The following VAT1L variants were observed in gnomAD, a reference collection of about 807,000 sequenced individuals.
VAT1L encodes putative NADPH-dependent quinone oxidoreductase VAT1L.
VAT1L carries 34 observed loss-of-function variants against 44.1 expected under a neutral mutation model. The observed-to-expected ratio is 0.77, with a 90% CI of 0.59 to 1.03. The LOEUF (loss-of-function observed/expected upper bound fraction) is 1.03, where lower values mean the gene tolerates loss of function less well. Among genes scored for constraint, VAT1L ranks in the 50% least tolerant of loss-of-function variants. The pLI is 0.00. For missense variants in VAT1L, 615 were observed against 538.8 expected (o/e 1.14, Z -1.40); for synonymous variants, 253 against 202.2 (o/e 1.25, Z -2.13).
rs761876008 is a variant in VAT1L at position 77,816,920 on chromosome 16, G to C, written c.234-1G>C. 2 of 1,611,960 alleles carry C rather than the reference G, an allele frequency of 1.2e-6. No homozygotes were observed. Among genetic ancestry groups the C allele is most frequent in the Non-Finnish European group, 1.7e-6 (2 of 1,179,144 alleles). The stretch of plus-strand genomic sequence containing the variant: ...TCTCCTTTCACATTTGCTCTTTACA[G>C]TGGATTAAACTTCATTGACTTGATG... On this transcript the variant is annotated splice_acceptor_variant, in intron 1 of 8. Transcript: ENST00000302536. LOFTEE classifies it high-confidence loss of function.
At chr16:77,945,990 C>T (rs1022508143) in intron 7 of VAT1L, among the ~76,000 whole-genome samples, 2 of 151,944 alleles carry the variant, frequency 1.3e-5, no homozygotes, top group Non-Finnish European at 2.9e-5. Flanking sequence ...GTAGCAGAGA[C>T]AGGGTTTCAC....
At chr16:77,823,325 T>C (rs1450681987) in intron 2 of VAT1L, among the ~76,000 whole-genome samples, 1 of 152,126 alleles carries the variant, frequency 6.6e-6, no homozygotes, top group Non-Finnish European at 1.5e-5. Flanking sequence ...TCTGAAATAT[T>C]ATCCCTTCCA....
intron 1 of VAT1L, chr16:77,800,398 T>C (rs970289024): frequency 1.3e-5 from 2 of 152,094 alleles, no homozygotes; most frequent in Non-Finnish European, 2.9e-5. Flanking sequence ...CAGGTATACC[T>C]GGGGACTCTA....
intron 8 of VAT1L, 77 bp from the exon 9 acceptor site, chr16:77,977,520 A>G (rs1247913447): frequency 3.4e-6 from 5 of 1,455,650 alleles, no homozygotes; most frequent in African/African-American, 1.4e-5. Context: ...AAGTCCTCCC[A>G]TAGGACTCTG....
chr16:77,903,827 C>T (rs1236204447), intron 7 of VAT1L, among the ~76,000 whole-genome samples: 1 of 150,534 alleles, frequency 6.6e-6, no homozygotes, highest in Non-Finnish European at 1.5e-5. Context: ...AGCTCCGCCT[C>T]CTGGGTTCAT....
intron 6 of VAT1L, among the ~76,000 whole-genome samples, chr16:77,883,136 G>T (rs926806482): frequency 6.6e-6 from 1 of 151,724 alleles, no homozygotes; most frequent in African/African-American, 2.4e-5. Flanking sequence ...AATTCTTTTC[G>T]AAAACAGGAT....
Position 77,816,297 on chromosome 16 carries a change from C to T in VAT1L, c.234-624C>T, listed in dbSNP as rs998748537. Among the ~76,000 whole-genome samples, 7 of 152,210 alleles carry T rather than the reference C, an allele frequency of 4.6e-5. No homozygotes were observed. In the East Asian group the frequency reaches 1.4e-3, roughly 29 times the overall value. On this transcript the variant is annotated intron_variant, in intron 1 of 8. Coordinates refer to ENST00000302536, the MANE Select transcript of VAT1L (RefSeq NM_020927.3). ...TCCAGTATTCCCATATCTATTGGGG[C>T]ATTCATTTGATCTCTCTTTGAGTCC...
chr16:77,936,056 G>A (rs1049197772), intron 7 of VAT1L, among the ~76,000 whole-genome samples: 6 of 152,090 alleles, frequency 3.9e-5, no homozygotes, highest in Non-Finnish European at 8.8e-5. Flanking sequence ...AGAAAAAAAA[G>A]GAGGTGGGAA....
chr16:77,876,713 G>A (rs1207698885), intron 5 of VAT1L, among the ~76,000 whole-genome samples: 3 of 152,218 alleles, frequency 2.0e-5, no homozygotes, highest in Non-Finnish European at 2.9e-5. Context: ...CCAAGCCAAT[G>A]TGGTCATTGA....
Position 77,788,658 on chromosome 16 carries a change from C to T in VAT1L, c.-25C>T, listed in dbSNP as rs1260637222. On this transcript the variant is annotated 5_prime_UTR_variant, in exon 1 of 9. Coordinates refer to ENST00000302536, the MANE Select transcript of VAT1L (RefSeq NM_020927.3). ...CGCAGCCACCGCAGCCACCGCAGCC[C>T]GTGCGCCCCGCGCCCTCGAGCGCCA... 3.2e-6 allele frequency: 5 copies of T among 1,545,808 alleles called. No homozygotes were observed. The African/African-American group carries it at 4.2e-5, about 13-fold the overall frequency.
intron 7 of VAT1L, among the ~76,000 whole-genome samples, chr16:77,919,546 G>C (rs147144538): frequency 3.9e-5 from 6 of 152,170 alleles, no homozygotes; most frequent in South Asian, 2.1e-4. Context: ...GTTACTGAGC[G>C]AGTCTGAACT....
rs570826952 is a variant in VAT1L, at chr16:77,945,180, G to C, written c.1078-26670G>C. Among the ~76,000 whole-genome samples, 6 of 150,580 alleles carry C rather than the reference G, an allele frequency of 4.0e-5. No homozygotes were observed. The South Asian group carries it at 1.3e-3, about 32-fold the overall frequency. ...CTGTGGGGGCACAAACCCAAGAACT[G>C]TTCTAGCACATAGAAGAGCACAAAA... is the stretch of plus-strand genomic sequence containing the variant. On this transcript the variant is annotated intron_variant, in intron 7 of 8. Transcript: ENST00000302536.
In VAT1L at chr16:77,979,446, A is replaced by G. The variant is rs1315396638; in HGVS notation, c.*1751A>G. 1 of 152,134 alleles carries G rather than the reference A, an allele frequency of 6.6e-6. No individual in the cohort carries two copies. The highest frequency in any genetic ancestry group is 6.6e-5 in the Admixed American group (1 of 15,266). The allele number at this position is 152,134 out of a possible 1,614,324, so 9.4% of individuals were successfully genotyped here. A position where few individuals can be genotyped will look rare whatever the true frequency, so the allele number is the denominator to read the frequency against. On this transcript the variant is annotated 3_prime_UTR_variant, in exon 9 of 9. Transcript: ENST00000302536. ...TATTACCTTTGCTAAGTGCTATATTATTGGCTGTTTCTCCCGTAACCATGC... is the reference window on the plus strand; with the variant it reads ...TATTACCTTTGCTAAGTGCTATATTGTTGGCTGTTTCTCCCGTAACCATGC...
chr16:77,828,590 G>A (rs2016548295), intron 3 of VAT1L, among the ~76,000 whole-genome samples: 1 of 152,190 alleles, frequency 6.6e-6, no homozygotes, highest in Non-Finnish European at 1.5e-5. Context: ...TTGAAGCCGG[G>A]AGGCAGAGGT....
rs1405257940 is a variant in VAT1L at position 77,957,848 on chromosome 16, G to A, written c.1078-14002G>A. On this transcript the variant is annotated intron_variant, in intron 7 of 8. Coordinates refer to ENST00000302536, the MANE Select transcript of VAT1L (RefSeq NM_020927.3). ...CTCGTGTGGAATTGCAGGAGTGGTG[G>A]GAGCTCAGGTTGTTACTTTAACCCC... Among the ~76,000 whole-genome samples, 3 of 151,338 alleles carry A rather than the reference G, an allele frequency of 2.0e-5. No homozygotes were observed. The East Asian group carries it at 5.8e-4, about 29-fold the overall frequency.
chr16:77,879,322 C>T lies in VAT1L; in HGVS notation c.882+98C>T, dbSNP rs9930395. 0.26 allele frequency: 348,336 copies of T among 1,326,596 alleles called. 48,426 individuals carry two copies. Among genetic ancestry groups the T allele is most frequent in the East Asian group, 0.42 (17,985 of 43,114 alleles). 82.2% of individuals were successfully genotyped at this position (1,326,596 alleles called of 1,614,324 possible). ...GTTTGTTTGTTTTGAGACAGCGTCT[C>T]GTTCTGTCACCAGGCTGGAGTGCAA... On this transcript the variant is annotated intron_variant, in intron 6 of 8. Coordinates refer to ENST00000302536, the MANE Select transcript of VAT1L (RefSeq NM_020927.3). The surrounding 1 kb of genome is among the most constrained non-coding windows in gnomAD (Gnocchi z 4.1).
intron 7 of VAT1L, among the ~76,000 whole-genome samples, chr16:77,890,922 GAA>G (rs57157062): frequency 0.02 from 2,560 of 129,110 alleles, 26 homozygotes; most frequent in Middle Eastern, 0.046. Flanking sequence ...AGACCCTGTC[GAA>G]AAAAAAAAAA....
chr16:77,944,429 A>G (rs414458), intron 7 of VAT1L, among the ~76,000 whole-genome samples: 89,121 of 152,034 alleles, frequency 0.59, 26,327 homozygotes, highest in Middle Eastern at 0.76. Flanking sequence ...TGACCGAAGG[A>G]TAATGGGCAT....
chr16:77,886,948 A>G (rs1324023988), intron 7 of VAT1L, among the ~76,000 whole-genome samples: 1 of 152,142 alleles, frequency 6.6e-6, no homozygotes, highest in Non-Finnish European at 1.5e-5. Context: ...CTGTGTGTAT[A>G]TCTGTATTTT....
Sources: allele counts gnomAD v4.1 joint callset (sites outside exome capture counted in the v4.1 genomes callset), GRCh38; gene constraint gnomAD v4.1.1; non-coding constraint Gnocchi (gnomAD v3.1); transcripts MANE v1.5; gene names NCBI Gene and HGNC (gene_info 2026-07-23, HGNC 2026-07-21).